The following C1GALT1 variants were observed in gnomAD, a reference collection of about 807,000 sequenced individuals.
C1GALT1 encodes glycoprotein-N-acetylgalactosamine 3-beta-galactosyltransferase 1.
In C1GALT1, 11 loss-of-function variants were observed where a neutral mutation model predicts 31.0. The ratio of observed to expected loss-of-function variants is 0.36; its 90% CI spans 0.22 to 0.59. The LOEUF (loss-of-function observed/expected upper bound fraction) is 0.59. Ranked by LOEUF, C1GALT1 falls within the 20% of genes least tolerant of loss-of-function variation. The pLI is 0.79. For synonymous variants in C1GALT1, 175 were observed against 143.6 expected (o/e 1.22, Z -1.56); for missense variants, 424 against 425.2 (o/e 1.00, Z 0.03).
intron 1 of C1GALT1, among the ~76,000 whole-genome samples, chr7:7,203,585 T>C (rs1781609243): frequency 6.6e-6 from 1 of 152,134 alleles, no homozygotes; most frequent in Admixed American, 6.5e-5. Flanking sequence ...AATATGCTGC[T>C]GAATTCAGTT....
chr7:7,203,741 C>T (rs945385230), intron 1 of C1GALT1, among the ~76,000 whole-genome samples: 1 of 151,700 alleles, frequency 6.6e-6, no homozygotes, highest in Non-Finnish European at 1.5e-5. Flanking sequence ...TTATGGAGTA[C>T]ATAGTGATGT....
chr7:7,164,896 T>C (rs1780375667), intron 2 of C1GALT1, among the ~76,000 whole-genome samples: 1 of 152,150 alleles, frequency 6.6e-6, no homozygotes, highest in African/African-American at 2.4e-5. Context: ...ACCATTACAG[T>C]GTTCACCTTG....
chr7:7,180,910 CA>C (rs34390245), upstream of C1GALT1, among the ~76,000 whole-genome samples: 115 of 127,678 alleles, frequency 9.0e-4, no homozygotes, highest in East Asian at 1.1e-3. Flanking sequence ...CATATCTCTT[CA>C]AAAAAAAAAA....
upstream of C1GALT1, among the ~76,000 whole-genome samples, chr7:7,181,036 T>A (rs573427809): frequency 1.3e-5 from 2 of 152,356 alleles, no homozygotes; most frequent in Non-Finnish European, 2.9e-5. Context: ...AGGAAAGGGT[T>A]CTAATCTTTG....
At chr7:7,183,647 C>G in intron 1 of C1GALT1, 1 of 964,162 alleles carries the variant, frequency 1.0e-6, no homozygotes, top group African/African-American at 1.8e-5. Context: ...TGGATTTATT[C>G]TTTCCTGGTC....
intron 3 of C1GALT1, among the ~76,000 whole-genome samples, chr7:7,240,178 A>G (rs963748047): frequency 3.3e-5 from 5 of 152,224 alleles, no homozygotes; most frequent in African/African-American, 9.6e-5. Flanking sequence ...GTCTGGAGAC[A>G]TTTTTGGTTG....
At chr7:7,189,862 A>C (rs1780980333) in intron 1 of C1GALT1, among the ~76,000 whole-genome samples, 1 of 152,148 alleles carries the variant, frequency 6.6e-6, no homozygotes, top group South Asian at 2.1e-4. Flanking sequence ...ACTAGAAAGT[A>C]AGGATCCAGC....
At chr7:7,161,288 GA>G (rs945108127) in intron 2 of C1GALT1, among the ~76,000 whole-genome samples, 3 of 151,616 alleles carry the variant, frequency 2.0e-5, no homozygotes, top group African/African-American at 2.4e-5. Flanking sequence ...TTAACAGTGG[GA>G]AAAAAAACCT....
At chr7:7,217,097 T>C (rs4527791) in intron 1 of C1GALT1, among the ~76,000 whole-genome samples, 45,795 of 152,030 alleles carry the variant, frequency 0.3, 8,313 homozygotes, top group East Asian at 0.52. Context: ...GCTGCATACT[T>C]ACCAGTCTGA....
intron 2 of C1GALT1, among the ~76,000 whole-genome samples, chr7:7,163,527 T>A (rs908751797): frequency 3.9e-5 from 6 of 152,182 alleles, no homozygotes; most frequent in African/African-American, 1.4e-4. Flanking sequence ...AGTCAAATTG[T>A]TCCTGTTTGC....
chr7:7,164,484 G>A lies in C1GALT1; in HGVS notation c.-18+7058G>A, dbSNP rs115785052. Reference sequence around the variant, plus strand: ...TTGCTTTACATTTTGCCATAGGCTGGGTTTTCCAGAAAACAGACTCTGAAA... The same window carrying A: ...TTGCTTTACATTTTGCCATAGGCTGAGTTTTCCAGAAAACAGACTCTGAAA... On this transcript the variant is annotated intron_variant, in intron 2 of 3. Transcript: ENST00000429911. 4.2e-3 allele frequency among the ~76,000 whole-genome samples: 641 copies of A among 152,216 alleles called. 4 individuals are homozygous for A. The highest frequency in any genetic ancestry group is 0.014 in the African/African-American group (602 of 41,536).
intron 1 of C1GALT1, among the ~76,000 whole-genome samples, chr7:7,227,906 T>C (rs1782853813): frequency 6.6e-6 from 1 of 152,164 alleles, no homozygotes; most frequent in African/African-American, 2.4e-5. Flanking sequence ...CTGTAAGAAA[T>C]AAATGCTTTC....
rs190164714 is a variant in C1GALT1 at position 7,234,758 on chromosome 7, C to G, written c.220+219C>G. 9.6e-6 allele frequency: 4 copies of G among 415,206 alleles called. No homozygotes were observed. In the East Asian group the frequency reaches 1.3e-4, roughly 13 times the overall value. The allele number at this position is 415,206 out of a possible 1,614,324, so 25.7% of individuals were successfully genotyped here. ...TTTTTAAGTAGAAATAGTTCAGAAC[C>G]CATGATTTGGGGAAGGGCATAACTA... On this transcript the variant is annotated intron_variant, in intron 2 of 3. Transcript: ENST00000436587.
chr7:7,210,765 A>T (rs1215948370), intron 1 of C1GALT1, among the ~76,000 whole-genome samples: 1 of 152,196 alleles, frequency 6.6e-6, no homozygotes, highest in African/African-American at 2.4e-5. Context: ...GGGCAAGGGC[A>T]AGAAGGCTGT....
chr7:7,170,130 A>C (rs1780437976), intron 2 of C1GALT1, among the ~76,000 whole-genome samples: 1 of 152,236 alleles, frequency 6.6e-6, no homozygotes, highest in Admixed American at 6.5e-5. Context: ...AGCTGGCAGT[A>C]ATGCCCCTAT....
intron 2 of C1GALT1, among the ~76,000 whole-genome samples, chr7:7,162,749 C>G (rs1780349154): frequency 6.6e-6 from 1 of 152,044 alleles, no homozygotes; most frequent in Admixed American, 6.6e-5. Flanking sequence ...AAAAGTGTTC[C>G]TATTTCTCCA....
chr7:7,167,395 C>A (rs921806932), intron 2 of C1GALT1, among the ~76,000 whole-genome samples: 6 of 152,070 alleles, frequency 3.9e-5, no homozygotes. Context: ...GAATGTTATA[C>A]ATTATGTATT....
At chr7:7,227,516 C>G (rs976427099) in intron 1 of C1GALT1, among the ~76,000 whole-genome samples, 3 of 151,918 alleles carry the variant, frequency 2.0e-5, no homozygotes, top group South Asian at 2.1e-4. Flanking sequence ...GTCGGGAGAT[C>G]GAGACCATCC....
intron 1 of C1GALT1, among the ~76,000 whole-genome samples, chr7:7,190,530 C>A (rs1194306903): frequency 6.6e-6 from 1 of 152,096 alleles, no homozygotes; most frequent in South Asian, 2.1e-4. Flanking sequence ...TTAACAAATG[C>A]ATTTTTTTAA....
Sources: allele counts gnomAD v4.1 joint callset (sites outside exome capture counted in the v4.1 genomes callset), GRCh38; gene constraint gnomAD v4.1.1; transcripts MANE v1.5; gene names NCBI Gene and HGNC (gene_info 2026-07-23, HGNC 2026-07-21).